TRPS1: variants seen among roughly 807,000 people sequenced by gnomAD.
TRPS1 encodes the protein zinc finger transcription factor Trps1.
In TRPS1, 6 loss-of-function variants were observed where a neutral mutation model predicts 101.2. That is an observed-to-expected ratio of 0.06 (90% CI 0.03 to 0.12). The LOEUF is 0.12. Among genes scored for constraint, TRPS1 ranks in the 10% least tolerant of loss-of-function variants. The probability of loss-of-function intolerance (pLI) is 1.00; values close to 1 mark genes in which losing one functional copy is unlikely to be tolerated. For synonymous variants in TRPS1, 578 were observed against 589.8 expected (o/e 0.98, Z 0.29); for missense variants, 1,363 against 1,567.0 (o/e 0.87, Z 2.20).
intron 5 of TRPS1, among the ~76,000 whole-genome samples, chr8:115,567,011 A>G (rs1188792824): frequency 6.6e-6 from 1 of 152,068 alleles, no homozygotes; most frequent in South Asian, 2.1e-4. Context: ...TCCTAAATAA[A>G]CCCACGCATC....
intron 1 of TRPS1, among the ~76,000 whole-genome samples, chr8:115,654,030 C>T (rs73380925): frequency 0.019 from 2,939 of 152,040 alleles, 93 homozygotes; most frequent in African/African-American, 0.067. Flanking sequence ...GGGCATTCAC[C>T]CTTTGGACTA....
At chr8:115,615,788 GA>G (rs1818264377) in intron 3 of TRPS1, among the ~76,000 whole-genome samples, 1 of 152,054 alleles carries the variant, frequency 6.6e-6, no homozygotes, top group African/African-American at 2.4e-5. Flanking sequence ...AAAATAAAAA[GA>G]AAGAAGCTGT....
intron 1 of TRPS1, among the ~76,000 whole-genome samples, chr8:115,627,107 C>T (rs1352117352): frequency 6.6e-6 from 1 of 151,516 alleles, no homozygotes; most frequent in African/African-American, 2.4e-5. Context: ...AAAAAGAATG[C>T]ACCTATTTCA....
chr8:115,621,077 C>T (rs1011528905), intron 2 of TRPS1, among the ~76,000 whole-genome samples: 1 of 152,126 alleles, frequency 6.6e-6, no homozygotes, highest in Non-Finnish European at 1.5e-5. Flanking sequence ...AAGAAGAATA[C>T]TGGAACAAAT....
chr8:115,499,571 C>T (rs1422062914), intron 5 of TRPS1, among the ~76,000 whole-genome samples: 2 of 152,044 alleles, frequency 1.3e-5, no homozygotes, highest in Non-Finnish European at 2.9e-5. Context: ...TACCTCTAAA[C>T]AACAAGAAAA....
In TRPS1 at chr8:115,418,025, CTAAAA is replaced by C. The variant is rs1319329808; in HGVS notation, c.2823+300_2823+304del. Among the ~76,000 whole-genome samples, 1 of 152,078 alleles carries C rather than the reference CTAAAA, an allele frequency of 6.6e-6. No individual in the cohort carries two copies. The highest frequency in any genetic ancestry group is 1.5e-5 in the Non-Finnish European group (1 of 68,008). ...CTTCTAAAAATTTTCTCCTTTTTAC[CTAAAA>C]TAATTTCATTGAATTCTGATAACCA... On this transcript the variant is annotated intron_variant, in intron 6 of 6. Coordinates refer to ENST00000395715, the MANE Select transcript of TRPS1 (RefSeq NM_014112.5). The surrounding 1 kb of genome is among the most constrained non-coding windows in gnomAD (Gnocchi z 4.3).
chr8:115,610,071 A>G (rs2130507628), intron 3 of TRPS1, among the ~76,000 whole-genome samples: 1 of 152,348 alleles, frequency 6.6e-6, no homozygotes, highest in African/African-American at 2.4e-5. Flanking sequence ...ACTTATTTTC[A>G]ACGCAGCAAA....
intron 5 of TRPS1, among the ~76,000 whole-genome samples, chr8:115,571,936 C>T (rs1038520110): frequency 2.0e-5 from 3 of 151,718 alleles, no homozygotes; most frequent in Non-Finnish European, 4.4e-5. Context: ...TGAATAAACG[C>T]TATTTACATA....
chr8:115,549,748 G>C (rs1291943011), intron 5 of TRPS1, among the ~76,000 whole-genome samples: 2 of 150,768 alleles, frequency 1.3e-5, no homozygotes, highest in African/African-American at 4.9e-5. Context: ...TTAAATTAGA[G>C]TAAATTAGAG....
chr8:115,620,462 C>CATGTT (rs148238143), intron 2 of TRPS1, among the ~76,000 whole-genome samples: 1 of 151,922 alleles, frequency 6.6e-6, no homozygotes, highest in South Asian at 2.1e-4. Flanking sequence ...AACATGTACA[C>CATGTT]ATGTTATGTT....
At chr8:115,458,477 G>A (rs905123878) in intron 5 of TRPS1, among the ~76,000 whole-genome samples, 2 of 152,258 alleles carry the variant, frequency 1.3e-5, no homozygotes, top group Non-Finnish European at 2.9e-5. Context: ...CATTCAGGGC[G>A]ACTTCTGTGG....
At chr8:115,577,199 T>C (rs1817338817) in intron 5 of TRPS1, among the ~76,000 whole-genome samples, 1 of 152,122 alleles carries the variant, frequency 6.6e-6, no homozygotes, top group African/African-American at 2.4e-5. Flanking sequence ...CTCTGAGTCT[T>C]TTTTTAAAAA....
chr8:115,585,378 T>TC (rs1817540174), intron 5 of TRPS1, among the ~76,000 whole-genome samples: 1 of 152,118 alleles, frequency 6.6e-6, no homozygotes, highest in African/African-American at 2.4e-5. Context: ...GCAGAAAAGG[T>TC]AATATTCCAG....
intron 5 of TRPS1, among the ~76,000 whole-genome samples, chr8:115,443,743 A>G (rs1813664711): frequency 6.6e-6 from 1 of 152,198 alleles, no homozygotes; most frequent in African/African-American, 2.4e-5. Context: ...TGATTGGATA[A>G]CATTAAGTAC....
At chr8:115,516,029 G>C (rs1433716087) in intron 5 of TRPS1, among the ~76,000 whole-genome samples, 1 of 151,444 alleles carries the variant, frequency 6.6e-6, no homozygotes, top group Admixed American at 6.6e-5. Flanking sequence ...GAGCATACTA[G>C]AGCATTACAT....
chr8:115,469,252 A>T (rs772626825), intron 5 of TRPS1, among the ~76,000 whole-genome samples: 2 of 152,250 alleles, frequency 1.3e-5, no homozygotes, highest in Non-Finnish European at 2.9e-5. Context: ...TCACAGTTGC[A>T]TAACAGGCTC....
At chr8:115,558,730 G>C (rs956340360) in intron 5 of TRPS1, among the ~76,000 whole-genome samples, 3 of 151,994 alleles carry the variant, frequency 2.0e-5, no homozygotes, top group African/African-American at 7.3e-5. Context: ...CTGTAACATA[G>C]TTTTATGACA....
At chr8:115,427,761 C>T (rs919908817) in intron 5 of TRPS1, among the ~76,000 whole-genome samples, 2 of 148,258 alleles carry the variant, frequency 1.3e-5, no homozygotes, top group Non-Finnish European at 1.5e-5. Context: ...AGTCATCCTT[C>T]ATCAGATATG....
intron 5 of TRPS1, among the ~76,000 whole-genome samples, chr8:115,486,094 G>A (rs138524915): frequency 2.5e-3 from 378 of 152,238 alleles, no homozygotes; most frequent in African/African-American, 8.8e-3. Context: ...GTCTAAAGGA[G>A]CCATTTTCCC....
Sources: allele counts gnomAD v4.1 joint callset (sites outside exome capture counted in the v4.1 genomes callset), GRCh38; gene constraint gnomAD v4.1.1; non-coding constraint Gnocchi (gnomAD v3.1); transcripts MANE v1.5; gene names NCBI Gene and HGNC (gene_info 2026-07-23, HGNC 2026-07-21).